The following PCDHGA5 variants were observed in gnomAD, a reference collection of about 807,000 sequenced individuals.
The protein encoded by PCDHGA5 is protocadherin gamma subfamily A, 5, also known as protocadherin gamma-A5.
Under a neutral mutation model 56.7 loss-of-function variants are expected in PCDHGA5, and 36 were observed. That is an observed-to-expected ratio of 0.64 (90% CI 0.49 to 0.84). The LOEUF is 0.84. Among genes scored for constraint, PCDHGA5 ranks in the 40% least tolerant of loss-of-function variants. PCDHGA5 has a pLI of 0.00. For missense variants in PCDHGA5, 1,305 were observed against 1,201.5 expected (o/e 1.09, Z -1.27); for synonymous variants, 563 against 520.2 (o/e 1.08, Z -1.12).
chr5:141,370,327 A>T, intron 1 of PCDHGA5: 5 of 1,399,556 alleles, frequency 3.6e-6, no homozygotes, highest in Non-Finnish European at 4.8e-6. Context: ...TCCTGCTCGG[A>T]GAACTCTTGG....
intron 1 of PCDHGA5, chr5:141,478,860 A>C: frequency 1.9e-5 from 25 of 1,331,544 alleles, no homozygotes; most frequent in Middle Eastern, 2.6e-4. Context: ...ACAAGATCTC[A>C]GCGATCAGAG....
chr5:141,364,207 C>A lies in PCDHGA5; in HGVS notation c.-124C>A. 8.4e-7 allele frequency: 1 copy of A among 1,184,312 alleles called. No individual in the cohort carries two copies. Among genetic ancestry groups the A allele is most frequent in the Non-Finnish European group, 1.2e-6 (1 of 866,950 alleles). 73.4% of individuals were successfully genotyped at this position (1,184,312 alleles called of 1,614,324 possible). On this transcript the variant is annotated 5_prime_UTR_variant, in exon 1 of 4. Coordinates refer to ENST00000518069, the MANE Select transcript of PCDHGA5 (RefSeq NM_018918.3). Reference sequence around the variant, plus strand: ...ATACTAAACACACAGACCAGACAAGCTCCTACGAAAAGCCAACGCTCCACG... The same window carrying A: ...ATACTAAACACACAGACCAGACAAGATCCTACGAAAAGCCAACGCTCCACG...
chr5:141,414,647 T>C (rs1369045439), intron 1 of PCDHGA5: 3 of 1,613,926 alleles, frequency 1.9e-6, no homozygotes, highest in South Asian at 2.2e-5. Flanking sequence ...AATGCCCAGA[T>C]TATTTACTCC....
In PCDHGA5 at chr5:141,366,007, G is replaced by T. The variant is rs764457320; in HGVS notation, c.1677G>T (p.Thr559=). The T allele has an allele frequency of 6.2e-7, 1 of 1,614,058 alleles. No individual in the cohort carries two copies. The highest frequency in any genetic ancestry group is 8.5e-7 in the Non-Finnish European group (1 of 1,180,036). ...TTGTGCTGGACCAGAACGACAATACGCCTGAGATCCTGTACCCCGCCCTCC... is the reference window on the plus strand; with the variant it reads ...TTGTGCTGGACCAGAACGACAATACTCCTGAGATCCTGTACCCCGCCCTCC... The part of the protein sequence containing the change: ...SLFVLDQNDN[T]PEILYPALPT... The change falls in exon 1 of 4, where the codon ACG becomes ACT. Residue 559 remains threonine (T), a synonymous_variant. Coordinates refer to ENST00000518069, the MANE Select transcript of PCDHGA5 (RefSeq NM_018918.3).
intron 1 of PCDHGA5, chr5:141,375,571 C>A (rs760580799): frequency 2.5e-6 from 4 of 1,613,962 alleles, no homozygotes; most frequent in Non-Finnish European, 3.4e-6. Context: ...AAGACACCCT[C>A]CAGGGGGCGC....
At position 141,476,676 on chromosome 5, in the gene PCDHGA5, G is replaced by A. The variant is rs753538822; in HGVS notation, c.2422-18131G>A. The A allele has an allele frequency of 6.2e-7, 1 of 1,614,222 alleles. No individual in the cohort carries two copies. The highest frequency in any genetic ancestry group is 8.5e-7 in the Non-Finnish European group (1 of 1,180,054). On this transcript the variant is annotated intron_variant, in intron 1 of 3. Transcript: ENST00000518069. The surrounding 1 kb of genome is among the most constrained non-coding windows in gnomAD (Gnocchi z 7.6). ...TACTTTGCGCTTCGCGTGCAGACGC[G>A]GGAGGACAGCACCAAGTACGCGGAG...
rs769679454 is a variant in PCDHGA5 at position 141,374,960 on chromosome 5, T to C, written c.2421+8209T>C. 15 of 1,614,060 alleles carry C rather than the reference T, an allele frequency of 9.3e-6. No homozygotes were observed. In the East Asian group the frequency reaches 1.6e-4, roughly 17 times the overall value. On this transcript the variant is annotated intron_variant, in intron 1 of 3. Coordinates refer to ENST00000518069, the MANE Select transcript of PCDHGA5 (RefSeq NM_018918.3). ...TACAGAAAAGATCTCACAAATTTTC[T>C]GTTTGAATGTTTTGACTGGAGAAAT...
intron 1 of PCDHGA5, among the ~76,000 whole-genome samples, chr5:141,488,839 G>A (rs954244872): frequency 2.6e-5 from 4 of 152,206 alleles, no homozygotes; most frequent in African/African-American, 9.6e-5. Flanking sequence ...CAAGGGGGCT[G>A]AATCAACCTG....
chr5:141,449,475 C>T (rs1351574160), intron 1 of PCDHGA5, among the ~76,000 whole-genome samples: 8 of 150,696 alleles, frequency 5.3e-5, no homozygotes, highest in African/African-American at 1.9e-4. Flanking sequence ...GGCCTGGTAC[C>T]CCATGCCTAA....
At chr5:141,384,521 C>T (rs1255804611) in intron 1 of PCDHGA5, 3 of 1,614,122 alleles carry the variant, frequency 1.9e-6, no homozygotes, top group Non-Finnish European at 1.7e-6. Flanking sequence ...GGGGACCCGC[C>T]TCTCAGCAGC....
At chr5:141,388,991 C>G in intron 1 of PCDHGA5, 1 of 1,613,976 alleles carries the variant, frequency 6.2e-7, no homozygotes. Flanking sequence ...TGCTCAAAGT[C>G]CGTGACAAGG....
intron 3 of PCDHGA5, among the ~76,000 whole-genome samples, chr5:141,507,817 G>C (rs1038461861): frequency 3.3e-5 from 5 of 152,206 alleles, no homozygotes; most frequent in Non-Finnish European, 5.9e-5. Context: ...AACGGACCCT[G>C]GGGGTGGAGG....
chr5:141,410,847 G>GTAT, intron 1 of PCDHGA5: 2 of 158,246 alleles, frequency 1.3e-5, no homozygotes, highest in Non-Finnish European at 1.0e-5. Context: ...TTTTGTCTTT[G>GTAT]TCTTTTTTTT....
intron 1 of PCDHGA5, chr5:141,423,962 C>A: frequency 1.7e-6 from 2 of 1,168,402 alleles, no homozygotes; most frequent in South Asian, 4.2e-5. Context: ...TATTATTTTT[C>A]TATTATCAGT....
rs752088903 is a variant in PCDHGA5, at chr5:141,490,784, G to A, written c.2422-4023G>A. The A allele has an allele frequency of 1.7e-5, 27 of 1,613,906 alleles. No individual in the cohort carries two copies. The highest frequency in any genetic ancestry group is 1.2e-4 in the African/African-American group (9 of 74,922). The stretch of plus-strand genomic sequence containing the variant: ...GTGTATGTCAACCCAGAGGATGGAC[G>A]GATCTTTGCCCAGCGTACCTTTGAC... On this transcript the variant is annotated intron_variant, in intron 1 of 3. Transcript: ENST00000518069. This position sits in a 1 kb window ranked among gnomAD's most constrained non-coding sequence, Gnocchi z 5.4.
intron 1 of PCDHGA5, chr5:141,383,506 G>A: frequency 6.2e-7 from 1 of 1,612,872 alleles, no homozygotes; most frequent in Non-Finnish European, 8.5e-7. Flanking sequence ...GCTGGACCGG[G>A]AGGAAGAGCG....
intron 1 of PCDHGA5, chr5:141,423,754 G>C: frequency 1.7e-6 from 1 of 577,836 alleles, no homozygotes. Flanking sequence ...ACTGTTTGGG[G>C]GGGGGGTGGG....
chr5:141,478,017 T>C lies in PCDHGA5; in HGVS notation c.2422-16790T>C, dbSNP rs776415195. ...GGTCAAATCAGTACTGCCCGTCCAG[T>C]CCAAGACACAGATTCACCCAGGCAG... On this transcript the variant is annotated intron_variant, in intron 1 of 3. Transcript: ENST00000518069. 15 of 1,613,910 alleles carry C rather than the reference T, an allele frequency of 9.3e-6. No homozygotes were observed. In the African/African-American group the frequency reaches 1.9e-4, roughly 20 times the overall value.
At chr5:141,497,878 C>T (rs553853040) in intron 2 of PCDHGA5, among the ~76,000 whole-genome samples, 32 of 152,256 alleles carry the variant, frequency 2.1e-4, no homozygotes, top group Non-Finnish European at 3.5e-4. Flanking sequence ...GTGAAATAAG[C>T]GTTAGGATCT....
Sources: gnomAD v4.1 joint callset for allele counts (sites outside exome capture counted in the v4.1 genomes callset) on GRCh38, gnomAD v4.1.1 for gene constraint, Gnocchi (gnomAD v3.1) non-coding constraint, MANE v1.5 for transcripts, NCBI Gene and HGNC (gene_info 2026-07-23, HGNC 2026-07-21) for gene names.